The following LNX1 variants were observed in gnomAD, a reference collection of about 807,000 sequenced individuals.
The protein encoded by LNX1 is E3 ubiquitin-protein ligase LNX.
In LNX1, 54 loss-of-function variants were observed where a neutral mutation model predicts 68.4. The ratio of observed to expected loss-of-function variants is 0.79; its 90% confidence interval spans 0.63 to 0.99. LNX1 has a LOEUF of 0.99. LNX1 is among the 50% of genes least tolerant of loss of function. LNX1 has a pLI of 0.00. For synonymous variants in LNX1, 336 were observed against 350.0 expected (o/e 0.96, Z 0.45); for missense variants, 906 against 926.4 (o/e 0.98, Z 0.29).
chr4:53,472,777 A>C (rs1723319498), intron 9 of LNX1, among the ~76,000 whole-genome samples: 1 of 149,798 alleles, frequency 6.7e-6, no homozygotes, highest in Non-Finnish European at 1.5e-5. Flanking sequence ...GTATGAAAGC[A>C]GATATAGAGG....
At chr4:53,489,981 G>T (rs183401785) in intron 6 of LNX1, among the ~76,000 whole-genome samples, 1 of 151,768 alleles carries the variant, frequency 6.6e-6, no homozygotes. Context: ...TACCACAAAA[G>T]TTCTACCCTT....
At chr4:53,539,935 CA>C (rs1486871323) in intron 2 of LNX1, among the ~76,000 whole-genome samples, 2 of 152,208 alleles carry the variant, frequency 1.3e-5, no homozygotes, top group African/African-American at 4.8e-5. Flanking sequence ...GCATCCATGG[CA>C]AAGGTTGACT....
intron 3 of LNX1, 140 bp from the exon 4 acceptor site, chr4:53,507,609 T>A: frequency 9.9e-7 from 1 of 1,006,832 alleles, no homozygotes. Context: ...TGCTTACCTG[T>A]ATTTTTTAAG....
rs1248323618 is a variant in LNX1 at position 53,496,093 on chromosome 4, T to A, written c.1280A>T (p.Asp427Val). 1 of 1,614,162 alleles carries A rather than the reference T, an allele frequency of 6.2e-7. No homozygotes were observed. Among genetic ancestry groups the A allele is most frequent in the Non-Finnish European group, 8.5e-7 (1 of 1,180,036 alleles). Reference sequence around the variant, plus strand: ...ATGTCCATTGATGGCTAACACACGGTCATTCTCCTCAAGCTGACCATGTCG... The same window carrying A: ...ATGTCCATTGATGGCTAACACACGGACATTCTCCTCAAGCTGACCATGTCG... Reference protein sequence around the residue: ...AYRHGQLEENDRVLAINGHDL... With the variant: ...AYRHGQLEENVRVLAINGHDL... Residue 427 changes from aspartate (D) to valine (V), a missense_variant, in exon 6 of 11, where the codon GAC (aspartate) becomes GTC (valine). Transcript: ENST00000263925.
intron 2 of LNX1, among the ~76,000 whole-genome samples, chr4:53,609,937 A>G (rs1733412841): frequency 6.6e-6 from 1 of 151,510 alleles, no homozygotes; most frequent in Admixed American, 6.6e-5. Flanking sequence ...TTTAATGCTC[A>G]CAACCATGTG....
chr4:53,505,393 G>A (rs1725803614), intron 4 of LNX1, among the ~76,000 whole-genome samples: 1 of 151,986 alleles, frequency 6.6e-6, no homozygotes, highest in Non-Finnish European at 1.5e-5. Context: ...TGGGATTACA[G>A]GTGCCCGCCA....
chr4:53,481,163 T>TC (rs1723887373), intron 7 of LNX1, among the ~76,000 whole-genome samples: 1 of 152,204 alleles, frequency 6.6e-6, no homozygotes, highest in African/African-American at 2.4e-5. Context: ...CACCCACAGA[T>TC]CCACAGTGTT....
rs1161234150 is a variant in LNX1 at position 53,570,408 on chromosome 4, A to G, written c.380+3215T>C. On this transcript the variant is annotated intron_variant, in intron 2 of 10. Transcript: ENST00000263925. The stretch of plus-strand genomic sequence containing the variant: ...AAACCATCATTCTCAGTAAACTATC[A>G]CAAGAACAAAAAACCAAATACCGCA... 5.4e-5 allele frequency among the ~76,000 whole-genome samples: 8 copies of G among 147,480 alleles called. No homozygotes were observed. The South Asian group carries it at 1.7e-3, about 32-fold the overall frequency.
intron 1 of LNX1, among the ~76,000 whole-genome samples, chr4:53,582,456 G>A (rs531277404): frequency 6.6e-6 from 1 of 152,306 alleles, no homozygotes; most frequent in South Asian, 2.1e-4. Flanking sequence ...AGCGAGCCCA[G>A]TCAAGTAATA....
intron 2 of LNX1, among the ~76,000 whole-genome samples, chr4:53,601,550 G>A (rs1733017555): frequency 6.6e-6 from 1 of 152,184 alleles, no homozygotes; most frequent in Non-Finnish European, 1.5e-5. Flanking sequence ...CCATAAACTC[G>A]CAGCAGCTGT....
chr4:53,576,523 C>A, intron 1 of LNX1: 1 of 1,075,336 alleles, frequency 9.3e-7, no homozygotes, highest in Non-Finnish European at 1.2e-6. Context: ...TTTTGTAGAT[C>A]TTGTATTTTA....
At chr4:53,549,159 A>G (rs1729323866) in intron 2 of LNX1, among the ~76,000 whole-genome samples, 1 of 152,154 alleles carries the variant, frequency 6.6e-6, no homozygotes, top group South Asian at 2.1e-4. Flanking sequence ...TACCCCCCAA[A>G]TCTAAAATAA....
chr4:53,648,853 C>A (rs1192516416), intron 1 of LNX1, among the ~76,000 whole-genome samples: 1 of 152,178 alleles, frequency 6.6e-6, no homozygotes, highest in Non-Finnish European at 1.5e-5. Context: ...ATTGAATTTC[C>A]CTCCAGCTTT....
At chr4:53,503,167 T>C (rs1725628756) in intron 4 of LNX1, among the ~76,000 whole-genome samples, 1 of 152,180 alleles carries the variant, frequency 6.6e-6, no homozygotes, top group Non-Finnish European at 1.5e-5. Flanking sequence ...AAAGTCATCC[T>C]TGAGAATTAA....
intron 2 of LNX1, among the ~76,000 whole-genome samples, chr4:53,527,585 T>C (rs556705281): frequency 5.9e-5 from 9 of 152,360 alleles, no homozygotes; most frequent in Admixed American, 2.0e-4. Flanking sequence ...CATTCATGCA[T>C]AGGAAATGCT....
intron 2 of LNX1, chr4:53,522,848 A>AC (rs1727329747): frequency 6.6e-6 from 1 of 151,742 alleles, no homozygotes; most frequent in Admixed American, 6.6e-5. Context: ...CTGTAATTCC[A>AC]CCCCCAGAGA....
At chr4:53,556,386 G>A (rs574119249) in intron 2 of LNX1, among the ~76,000 whole-genome samples, 4 of 152,276 alleles carry the variant, frequency 2.6e-5, no homozygotes, top group African/African-American at 7.2e-5. Flanking sequence ...AGAACTGTGG[G>A]AGAATACATT....
chr4:53,648,677 G>A (rs1406141715), intron 1 of LNX1, among the ~76,000 whole-genome samples: 1 of 152,136 alleles, frequency 6.6e-6, no homozygotes, highest in African/African-American at 2.4e-5. Context: ...GACTGTGGGG[G>A]AAGGAGAACT....
intron 2 of LNX1, among the ~76,000 whole-genome samples, chr4:53,601,851 A>C (rs1473101993): frequency 6.6e-6 from 1 of 152,154 alleles, no homozygotes; most frequent in African/African-American, 2.4e-5. Flanking sequence ...TGAAGCTGCC[A>C]GTCATCTCAA....
Sources: gnomAD v4.1 joint callset for allele counts (sites outside exome capture counted in the v4.1 genomes callset) on GRCh38, gnomAD v4.1.1 for gene constraint, MANE v1.5 for transcripts, NCBI Gene and HGNC (gene_info 2026-07-23, HGNC 2026-07-21) for gene names.